The following NCOA3 variants were observed in gnomAD, a reference collection of about 807,000 sequenced individuals.
NCOA3 encodes the protein nuclear receptor coactivator 3, also known as CBP-interacting protein.
A neutral mutation model predicts 158.8 loss-of-function variants in NCOA3; 51 were observed. The observed-to-expected ratio is 0.32, with a 90% confidence interval of 0.26 to 0.41. The LOEUF is 0.41. NCOA3 is among the 10% of genes least tolerant of loss of function. The probability of loss-of-function intolerance (pLI) is 1.00; values close to 1 mark genes in which losing one functional copy is unlikely to be tolerated. For synonymous variants in NCOA3, 537 were observed against 592.4 expected (o/e 0.91, Z 1.36); for missense variants, 1,510 against 1,746.6 (o/e 0.86, Z 2.41).
At chr20:47,545,174 ATTTT>A (rs3083968) in intron 1 of NCOA3, among the ~76,000 whole-genome samples, 5 of 84,318 alleles carry the variant, frequency 5.9e-5, no homozygotes, top group Non-Finnish European at 6.5e-5. Flanking sequence ...TATCCATAGG[ATTTT>A]TTTTTTTTTT....
intron 1 of NCOA3, among the ~76,000 whole-genome samples, chr20:47,512,461 G>A (rs1049110392): frequency 8.6e-5 from 13 of 151,732 alleles, no homozygotes; most frequent in South Asian, 2.1e-4. Flanking sequence ...CCAGCTACTC[G>A]GGAGGTTGAG....
chr20:47,545,194 T>G (rs1302137799), intron 1 of NCOA3, among the ~76,000 whole-genome samples: 9 of 89,976 alleles, frequency 1.0e-4, no homozygotes, highest in African/African-American at 4.0e-4. Context: ...TTTTTTTTTT[T>G]GAGAAAGAGT....
rs2086516999 is a variant in NCOA3 at position 47,636,385 on chromosome 20, G to A, written c.1999G>A (p.Val667Ile). Residue 667 changes from valine (V) to isoleucine (I), a missense_variant, in exon 12 of 23, where the codon GTA (valine) becomes ATA (isoleucine). This residue lies in a region of NCOA3 where 1,017 missense variants were observed against 1,098.3 expected (regional missense o/e 0.93). Transcript: ENST00000371998. ...SGVSSSTSGG[V>I]SSTSNMHGSL... ...AGTCTCCTCCTCTACATCTGGAGGA[G>A]TATCCTCTACATCCAATATGCATGG... is the stretch of plus-strand genomic sequence containing the variant. The A allele has an allele frequency of 3.1e-6, 5 of 1,614,050 alleles. No homozygotes were observed. The highest frequency in any genetic ancestry group is 4.2e-6 in the Non-Finnish European group (5 of 1,180,038).
intron 8 of NCOA3, among the ~76,000 whole-genome samples, chr20:47,633,139 C>G (rs1185755598): frequency 6.6e-6 from 1 of 152,180 alleles, no homozygotes; most frequent in African/African-American, 2.4e-5. Context: ...AGAGACCCCA[C>G]CCTAAGTCTC....
At chr20:47,625,574 T>C in intron 5 of NCOA3, 93 bp downstream of exon 5, 1 of 883,568 alleles carries the variant, frequency 1.1e-6, no homozygotes, top group East Asian at 2.5e-5. Flanking sequence ...GGTTAGGAAA[T>C]GAGAACAAAA....
chr20:47,572,428 C>G (rs2085308471), intron 1 of NCOA3, among the ~76,000 whole-genome samples: 1 of 152,044 alleles, frequency 6.6e-6, no homozygotes, highest in Non-Finnish European at 1.5e-5. Flanking sequence ...AAAAACAGTA[C>G]TTGTCTCTTC....
intron 17 of NCOA3, 63 bp from the exon 18 acceptor site, chr20:47,647,010 A>C: frequency 1.0e-5 from 15 of 1,488,018 alleles, no homozygotes; most frequent in Non-Finnish European, 1.4e-5. Context: ...CTTTCTTTAG[A>C]GCATTTGACT....
intron 1 of NCOA3, among the ~76,000 whole-genome samples, chr20:47,515,882 A>T (rs1296404210): frequency 1.3e-5 from 2 of 152,236 alleles, no homozygotes; most frequent in Non-Finnish European, 2.9e-5. Flanking sequence ...CTATCAATTC[A>T]TGAAGAGATG....
intron 1 of NCOA3, among the ~76,000 whole-genome samples, chr20:47,556,866 G>A (rs1285629175): frequency 6.6e-6 from 1 of 152,174 alleles, no homozygotes; most frequent in Non-Finnish European, 1.5e-5. Context: ...TATGTGAAAA[G>A]TGAAAGCTTT....
At chr20:47,514,175 CAGA>C (rs1318878842) in intron 1 of NCOA3, among the ~76,000 whole-genome samples, 3 of 151,058 alleles carry the variant, frequency 2.0e-5, no homozygotes, top group Non-Finnish European at 4.4e-5. Context: ...TTTCTAGTAT[CAGA>C]AGATTTTATT....
At chr20:47,627,488 C>G in intron 6 of NCOA3, 73 bp from the exon 7 acceptor site, 1 of 1,205,226 alleles carries the variant, frequency 8.3e-7, no homozygotes, top group Non-Finnish European at 1.2e-6. Context: ...GAAAATGCAG[C>G]TTGAATTCTT....
At chr20:47,515,674 G>T (rs1183818952) in intron 1 of NCOA3, among the ~76,000 whole-genome samples, 1 of 151,650 alleles carries the variant, frequency 6.6e-6, no homozygotes, top group East Asian at 1.9e-4. Flanking sequence ...TAGTAGAGAC[G>T]GGATTTCACT....
At chr20:47,555,735 T>G (rs1466646798) in intron 1 of NCOA3, among the ~76,000 whole-genome samples, 1 of 148,010 alleles carries the variant, frequency 6.8e-6, no homozygotes, top group Non-Finnish European at 1.5e-5. Context: ...GCCTCCCAGG[T>G]TCATGCCATT....
chr20:47,504,620 T>C (rs2083997039), intron 1 of NCOA3, among the ~76,000 whole-genome samples: 1 of 151,434 alleles, frequency 6.6e-6, no homozygotes, highest in South Asian at 2.1e-4. Flanking sequence ...CTGGCAAAGA[T>C]GGTGAAACCC....
intron 1 of NCOA3, among the ~76,000 whole-genome samples, chr20:47,533,533 A>C (rs943832514): frequency 6.6e-6 from 1 of 152,084 alleles, no homozygotes; most frequent in Non-Finnish European, 1.5e-5. Flanking sequence ...TGCCTTATAC[A>C]GTATATGGGT....
chr20:47,562,322 A>G lies in NCOA3; in HGVS notation c.-98-20861A>G, dbSNP rs144945581. On this transcript the variant is annotated intron_variant, in intron 1 of 22. Transcript: ENST00000371998. ...GTTTAGTTTTTTAAGAAATTGCCCAACTGTCTTCCAAAATGGCTTTTGCAT... is the reference window on the plus strand; with the variant it reads ...GTTTAGTTTTTTAAGAAATTGCCCAGCTGTCTTCCAAAATGGCTTTTGCAT... Among the ~76,000 whole-genome samples the G allele has an allele frequency of 4.5e-3, 679 of 152,326 alleles. 4 individuals are homozygous for G. The highest frequency in any genetic ancestry group is 8.1e-3 in the Non-Finnish European group (552 of 68,034).
chr20:47,644,947 C>T (rs935008259), intron 17 of NCOA3, among the ~76,000 whole-genome samples: 2 of 151,702 alleles, frequency 1.3e-5, no homozygotes, highest in South Asian at 2.1e-4. Context: ...CCACCTGCCT[C>T]GGCCTCCCAA....
intron 1 of NCOA3, among the ~76,000 whole-genome samples, chr20:47,582,252 G>A (rs1233482082): frequency 6.6e-6 from 1 of 151,748 alleles, no homozygotes; most frequent in Non-Finnish European, 1.5e-5. Context: ...TGCTTTTGTT[G>A]CCCAGGCTAG....
chr20:47,513,996 G>T (rs1464100739), intron 1 of NCOA3, among the ~76,000 whole-genome samples: 1 of 151,986 alleles, frequency 6.6e-6, no homozygotes, highest in Non-Finnish European at 1.5e-5. Context: ...CCTAGACTAG[G>T]GTAACAATGG....
Sources: allele counts gnomAD v4.1 joint callset (sites outside exome capture counted in the v4.1 genomes callset), GRCh38; gene constraint gnomAD v4.1.1; regional missense constraint gnomAD v4.1.1; transcripts MANE v1.5; gene names NCBI Gene and HGNC (gene_info 2026-07-23, HGNC 2026-07-21).